Variants in SGCZ observed in about 807,000 individuals in gnomAD.
SGCZ encodes the protein zeta-sarcoglycan.
A neutral mutation model predicts 41.3 loss-of-function variants in SGCZ; 40 were observed. That is an observed-to-expected ratio of 0.97 (90% CI 0.75 to 1.26). SGCZ has a LOEUF of 1.26. SGCZ is among the 50% of genes most tolerant of loss of function. The pLI is 0.00. For missense variants in SGCZ, 552 were observed against 369.8 expected (o/e 1.49, Z -4.04); for synonymous variants, 206 against 137.5 (o/e 1.50, Z -3.49).
chr8:15,219,392 A>G (rs963296316), intron 1 of SGCZ, among the ~76,000 whole-genome samples: 13 of 152,190 alleles, frequency 8.5e-5, no homozygotes, highest in Non-Finnish European at 1.6e-4. Context: ...GTTGATGTAT[A>G]AGATATATCA....
intron 3 of SGCZ, among the ~76,000 whole-genome samples, chr8:14,243,803 T>C (rs1387425210): frequency 6.6e-6 from 1 of 152,122 alleles, no homozygotes; most frequent in Non-Finnish European, 1.5e-5. Context: ...GAGTTAAAAT[T>C]CACCTCCCAC....
chr8:14,093,180 G>A (rs917849316), intron 7 of SGCZ, among the ~76,000 whole-genome samples: 3 of 152,016 alleles, frequency 2.0e-5, no homozygotes, highest in Admixed American at 6.6e-5. Flanking sequence ...AGAATATTCT[G>A]CTTTCTCTCT....
intron 2 of SGCZ, among the ~76,000 whole-genome samples, chr8:14,498,653 T>C (rs1030551454): frequency 2.2e-4 from 33 of 152,120 alleles, no homozygotes; most frequent in African/African-American, 8.0e-4. Context: ...GCTATTATTT[T>C]AGTGGTTATA....
intron 1 of SGCZ, among the ~76,000 whole-genome samples, chr8:14,984,364 T>C (rs1003332363): frequency 6.6e-6 from 1 of 152,212 alleles, no homozygotes; most frequent in Non-Finnish European, 1.5e-5. Flanking sequence ...AGTCAGTATC[T>C]ACATTTCCCT....
At chr8:14,396,057 T>C (rs899685595) in intron 2 of SGCZ, among the ~76,000 whole-genome samples, 16 of 152,150 alleles carry the variant, frequency 1.1e-4, no homozygotes, top group Non-Finnish European at 1.9e-4. Context: ...TTTTTAAATG[T>C]AAGACCAAGG....
At chr8:14,762,303 A>T (rs575868382) in intron 1 of SGCZ, among the ~76,000 whole-genome samples, 3 of 152,340 alleles carry the variant, frequency 2.0e-5, no homozygotes, top group South Asian at 2.1e-4. Context: ...AAATCTACAG[A>T]GTAGTCCATT....
intron 1 of SGCZ, among the ~76,000 whole-genome samples, chr8:14,856,529 T>A (rs555601237): frequency 3.2e-4 from 48 of 152,318 alleles, no homozygotes; most frequent in African/African-American, 1.1e-3. Context: ...TGACTGCTAC[T>A]GAGAAGCTGA....
At chr8:14,244,787 T>C (rs1405105927) in intron 3 of SGCZ, among the ~76,000 whole-genome samples, 2 of 152,100 alleles carry the variant, frequency 1.3e-5, no homozygotes, top group Non-Finnish European at 2.9e-5. Context: ...GGTTTGTAGT[T>C]CTCCTTGAAG....
At chr8:14,170,479 C>A (rs1321959088) in intron 4 of SGCZ, among the ~76,000 whole-genome samples, 1 of 151,966 alleles carries the variant, frequency 6.6e-6, no homozygotes, top group African/African-American at 2.4e-5. Flanking sequence ...TAAACTAACA[C>A]CAGGAATGTG....
intron 1 of SGCZ, among the ~76,000 whole-genome samples, chr8:14,919,917 T>TTTTTG (rs536615520): frequency 4.7e-4 from 71 of 152,240 alleles, no homozygotes; most frequent in East Asian, 3.3e-3. Context: ...GACTCTGTTT[T>TTTTTG]TTTTGTTTTG....
At chr8:14,269,119 T>C (rs1391647567) in intron 3 of SGCZ, among the ~76,000 whole-genome samples, 1 of 152,004 alleles carries the variant, frequency 6.6e-6, no homozygotes, top group Non-Finnish European at 1.5e-5. Context: ...AGTCATAAAT[T>C]TTTTTATTTG....
intron 1 of SGCZ, among the ~76,000 whole-genome samples, chr8:15,234,488 C>G (rs554370440): frequency 1.3e-5 from 2 of 152,198 alleles, no homozygotes; most frequent in African/African-American, 2.4e-5. Flanking sequence ...AACTCTCTCC[C>G]TTTTCAACAC....
At chr8:14,482,654 G>T (rs1260379502) in intron 2 of SGCZ, among the ~76,000 whole-genome samples, 1 of 152,080 alleles carries the variant, frequency 6.6e-6, no homozygotes, top group African/African-American at 2.4e-5. Context: ...GTTTCTGGAA[G>T]ATATTAGCAT....
rs966736616 is a variant in SGCZ, at chr8:14,245,216, T to C, written c.337-7537A>G. ...TCCAGTTTTTGCCCATTCAGTATGA[T>C]ATTGACTGTGGGTTTGGTACCAGAA... is the stretch of plus-strand genomic sequence containing the variant. On this transcript the variant is annotated intron_variant, in intron 3 of 7. Transcript: ENST00000382080. Among the ~76,000 whole-genome samples, 7 of 152,288 alleles carry C rather than the reference T, an allele frequency of 4.6e-5. No individual in the cohort carries two copies. In the East Asian group the frequency reaches 7.7e-4, roughly 17 times the overall value.
At chr8:14,263,590 C>A (rs955093384) in intron 3 of SGCZ, among the ~76,000 whole-genome samples, 51 of 151,950 alleles carry the variant, frequency 3.4e-4, no homozygotes, top group African/African-American at 9.9e-4. Context: ...TGAATAAATA[C>A]ATAAATAAAA....
chr8:14,284,837 T>A (rs975786200), intron 3 of SGCZ, among the ~76,000 whole-genome samples: 2 of 152,206 alleles, frequency 1.3e-5, no homozygotes, highest in Non-Finnish European at 2.9e-5. Flanking sequence ...TCATTAAAGA[T>A]CATGTCTGTT....
intron 1 of SGCZ, among the ~76,000 whole-genome samples, chr8:14,717,001 A>G (rs1419229547): frequency 6.6e-6 from 1 of 152,144 alleles, no homozygotes; most frequent in Non-Finnish European, 1.5e-5. Flanking sequence ...ACAAAAAAGC[A>G]TGAAAGGTAT....
chr8:14,200,411 T>C (rs936537766), intron 4 of SGCZ, among the ~76,000 whole-genome samples: 1 of 152,184 alleles, frequency 6.6e-6, no homozygotes, highest in African/African-American at 2.4e-5. Context: ...AAATTATTTT[T>C]ATAAAGAAGA....
intron 1 of SGCZ, among the ~76,000 whole-genome samples, chr8:15,097,990 A>C (rs545782960): frequency 2.6e-5 from 4 of 151,108 alleles, no homozygotes; most frequent in African/African-American, 9.7e-5. Context: ...CAAAAGTGAC[A>C]GGTAAAATCT....
Sources: gnomAD v4.1 joint callset for allele counts (sites outside exome capture counted in the v4.1 genomes callset) on GRCh38, gnomAD v4.1.1 for gene constraint, MANE v1.5 for transcripts, NCBI Gene and HGNC (gene_info 2026-07-23, HGNC 2026-07-21) for gene names.